Variants in FBXO21 observed in about 807,000 individuals in gnomAD.
FBXO21 encodes the protein F-box only protein 21.
Under a neutral mutation model 76.6 loss-of-function variants are expected in FBXO21, and 32 were observed. That is an observed-to-expected ratio of 0.42 (90% CI 0.32 to 0.56). The LOEUF is 0.56. Ranked by LOEUF, FBXO21 falls within the 20% of genes least tolerant of loss-of-function variation. FBXO21 has a pLI of 0.16. For missense variants in FBXO21, 586 were observed against 797.3 expected (o/e 0.73, Z 3.19); for synonymous variants, 328 against 311.5 (o/e 1.05, Z -0.56).
chr12:117,159,518 T>TA (rs1218732762), intron 9 of FBXO21, among the ~76,000 whole-genome samples: 1 of 152,030 alleles, frequency 6.6e-6, no homozygotes, highest in Non-Finnish European at 1.5e-5. Context: ...TCCAAACACA[T>TA]AAAAATGGAC....
chr12:117,156,751 A>T (rs187799500), intron 10 of FBXO21, among the ~76,000 whole-genome samples: 15 of 152,324 alleles, frequency 9.8e-5, no homozygotes, highest in African/African-American at 2.9e-4. Context: ...TTAAAAGTTT[A>T]AAAAAATGCA....
intron 3 of FBXO21, among the ~76,000 whole-genome samples, chr12:117,180,106 T>C (rs75827532): frequency 0.015 from 2,271 of 152,252 alleles, 52 homozygotes; most frequent in African/African-American, 0.051. Context: ...CGACATAAAG[T>C]AGTGTCAGTT....
intron 9 of FBXO21, among the ~76,000 whole-genome samples, chr12:117,164,733 C>A (rs1956031796): frequency 6.6e-6 from 1 of 152,208 alleles, no homozygotes; most frequent in Non-Finnish European, 1.5e-5. Flanking sequence ...GATTTTACCC[C>A]TCTCTAATGA....
chr12:117,152,345 A>T (rs1228196209), intron 11 of FBXO21, among the ~76,000 whole-genome samples: 1 of 152,090 alleles, frequency 6.6e-6, no homozygotes, highest in African/African-American at 2.4e-5. Context: ...GCATGCCTGC[A>T]GTCCCAGCTA....
chr12:117,166,989 C>T lies in FBXO21; in HGVS notation c.1102G>A (p.Gly368Ser), dbSNP rs1306965707. 6 of 1,614,044 alleles carry T rather than the reference C, an allele frequency of 3.7e-6. No homozygotes were observed. The highest frequency in any genetic ancestry group is 3.3e-5 in the Admixed American group (2 of 60,024). ...LTVKECEYLI[G>S]QHVTAALYGV... Reference sequence around the variant, plus strand: ...TACAGTGCTGCAGTCACGTGCTGGCCGATCAAGTACTCGCATTCTTTCACT... The same window carrying T: ...TACAGTGCTGCAGTCACGTGCTGGCTGATCAAGTACTCGCATTCTTTCACT... Residue 368 changes from glycine to serine, a missense_variant, in exon 8 of 12, where the codon GGC becomes AGC. Gly to Ser is a moderately conservative substitution (Grantham distance 56, BLOSUM62 0). Transcript: ENST00000622495.
rs1421121850 is a variant in FBXO21, at chr12:117,177,645, G to T, written c.471-4C>A. On this transcript the variant is annotated splice_polypyrimidine_tract_variant and splice_region_variant and intron_variant, in intron 3 of 11. Coordinates refer to ENST00000622495, the MANE Select transcript of FBXO21 (RefSeq NM_015002.3). ...GTATTTCCAGGTCAAAGCTTTTCTG[G>T]AAACAAAAAGTCAGTAAGAATTAAG... 1 of 1,609,812 alleles carries T rather than the reference G, an allele frequency of 6.2e-7. No homozygotes were observed. The highest frequency in any genetic ancestry group is 8.5e-7 in the Non-Finnish European group (1 of 1,178,598).
intron 11 of FBXO21, among the ~76,000 whole-genome samples, chr12:117,153,792 A>G (rs1023088177): frequency 6.6e-6 from 1 of 152,268 alleles, no homozygotes; most frequent in Non-Finnish European, 1.5e-5. Flanking sequence ...CAAGAAGCCA[A>G]TTTGCTAACA....
intron 3 of FBXO21, among the ~76,000 whole-genome samples, chr12:117,181,607 A>AG (rs201374740): frequency 0.086 from 12,539 of 145,604 alleles, 1,290 homozygotes; most frequent in African/African-American, 0.26. Flanking sequence ...CAGTCTATCT[A>AG]TCTATCTATC....
intron 4 of FBXO21, among the ~76,000 whole-genome samples, chr12:117,175,340 C>T (rs1956162770): frequency 1.3e-5 from 2 of 152,302 alleles, no homozygotes; most frequent in South Asian, 2.1e-4. Context: ...CAGTTATGCT[C>T]GGGGAACCTA....
chr12:117,155,610 C>T, intron 11 of FBXO21, 181 bp downstream of exon 11: 1 of 681,542 alleles, frequency 1.5e-6, no homozygotes, highest in Non-Finnish European at 2.5e-6. Context: ...CTCGCCAGGG[C>T]GGCACCTGTG....
chr12:117,160,319 G>A (rs1955963026), intron 9 of FBXO21, among the ~76,000 whole-genome samples: 1 of 152,116 alleles, frequency 6.6e-6, no homozygotes, highest in South Asian at 2.1e-4. Flanking sequence ...CTGAATTCCA[G>A]GTTCCCTCTA....
intron 11 of FBXO21, chr12:117,155,548 C>T: frequency 1.7e-6 from 1 of 580,488 alleles, no homozygotes; most frequent in Non-Finnish European, 3.1e-6. Flanking sequence ...AATCAGATGT[C>T]CGGGCTGTGG....
At chr12:117,175,571 T>G (rs1416725793) in intron 4 of FBXO21, among the ~76,000 whole-genome samples, 1 of 152,238 alleles carries the variant, frequency 6.6e-6, no homozygotes, top group African/African-American at 2.4e-5. Context: ...TCAAAGCAGT[T>G]GAACGGGTGT....
chr12:117,168,423 C>CT (rs998965627), intron 7 of FBXO21, among the ~76,000 whole-genome samples: 9 of 152,038 alleles, frequency 5.9e-5, no homozygotes, highest in Non-Finnish European at 1.3e-4. Flanking sequence ...ACTCGGGAGG[C>CT]TGAGGCAGGA....
chr12:117,166,864 C>G (rs1231157043), intron 8 of FBXO21, 34 bp downstream of exon 8: 2 of 1,597,860 alleles, frequency 1.3e-6, no homozygotes, highest in East Asian at 2.2e-5. Flanking sequence ...GACATGTGCT[C>G]TGCAGAAGTA....
At chr12:117,188,940 A>C (rs1956317021) in intron 2 of FBXO21, 1 of 315,498 alleles carries the variant, frequency 3.2e-6, no homozygotes, top group South Asian at 7.5e-5. Context: ...TTGAGAAATA[A>C]TGCTGATCTG....
Position 117,151,269 on chromosome 12 carries a change from A to G in FBXO21, c.1675+4522T>C, listed in dbSNP as rs894002212. On this transcript the variant is annotated intron_variant, in intron 11 of 11. Coordinates refer to ENST00000622495, the MANE Select transcript of FBXO21 (RefSeq NM_015002.3). ...CGGCACTCTCCCACCCAGGGCCATG[A>G]AAGTATCAAAGCGCGCCCCCTTGTG... Among the ~76,000 whole-genome samples the G allele has an allele frequency of 2.6e-5, 4 of 152,154 alleles. 1 individual carries two copies. Among genetic ancestry groups the G allele is most frequent in the Admixed American group, 6.5e-5 (1 of 15,280 alleles).
At chr12:117,149,519 T>C (rs1955815301) in intron 11 of FBXO21, among the ~76,000 whole-genome samples, 2 of 152,222 alleles carry the variant, frequency 1.3e-5, no homozygotes, top group African/African-American at 4.8e-5. Context: ...GGGGGCTCTT[T>C]TGCTACTAAA....
intron 3 of FBXO21, among the ~76,000 whole-genome samples, chr12:117,185,187 CT>C (rs1265363500): frequency 3.3e-5 from 5 of 149,768 alleles, no homozygotes; most frequent in African/African-American, 4.8e-5. Flanking sequence ...ATTTTTAAGA[CT>C]GCACAATACT....
Sources: allele counts gnomAD v4.1 joint callset (sites outside exome capture counted in the v4.1 genomes callset), GRCh38; gene constraint gnomAD v4.1.1; transcripts MANE v1.5; gene names NCBI Gene and HGNC (gene_info 2026-07-23, HGNC 2026-07-21).